FBXO47: variants seen among roughly 807,000 people sequenced by gnomAD.
FBXO47 encodes F-box only protein 47.
FBXO47 carries 34 observed loss-of-function variants against 53.9 expected under a neutral mutation model. The ratio of observed to expected loss-of-function variants is 0.63; its 90% CI spans 0.48 to 0.84. The LOEUF (loss-of-function observed/expected upper bound fraction) is 0.84, where lower values mean the gene tolerates loss of function less well. FBXO47 is among the 40% of genes least tolerant of loss of function. FBXO47 has a pLI of 0.00. For missense variants in FBXO47, 485 were observed against 541.3 expected (o/e 0.90, Z 1.03); for synonymous variants, 165 against 181.6 (o/e 0.91, Z 0.73).
chr17:38,937,205 A>T lies in FBXO47; in HGVS notation c.1329T>A (p.Tyr443Ter), dbSNP rs1915599843. 1 of 1,598,120 alleles carries T rather than the reference A, an allele frequency of 6.3e-7. No homozygotes were observed. The highest frequency in any genetic ancestry group is 1.7e-5 in the Admixed American group (1 of 59,494). ...TAGACAGAGGAGTATTCATGGTCAA[A>T]TACAGGACCTCCTTATGGAAGTTAG... ...AQANFHKEVL[Y>*]LTMNTPLST The change falls in exon 11 of 11, where the codon TAT becomes TAA. Residue 443 changes from tyrosine (Y) to a stop codon, truncating the protein, a stop_gained. Coordinates refer to ENST00000378079, the MANE Select transcript of FBXO47 (RefSeq NM_001008777.3). LOFTEE classifies it high-confidence loss of function.
At chr17:38,951,547 C>A (rs773020719) in intron 6 of FBXO47, 34 bp downstream of exon 6, 5 of 1,420,454 alleles carry the variant, frequency 3.5e-6, no homozygotes, top group Admixed American at 2.0e-5. Context: ...CTATTTTAAT[C>A]TCTGTATATT....
At chr17:38,946,325 AATATATAAAT>A (rs1284729025) in intron 6 of FBXO47, among the ~76,000 whole-genome samples, 18 of 72,470 alleles carry the variant, frequency 2.5e-4, no homozygotes, top group African/African-American at 3.0e-4. Flanking sequence ...AATATATATA[AATATATAAAT>A]ATATATAAAT....
At chr17:38,949,614 C>T (rs568519275) in intron 6 of FBXO47, among the ~76,000 whole-genome samples, 1 of 152,280 alleles carries the variant, frequency 6.6e-6, no homozygotes, top group African/African-American at 2.4e-5. Flanking sequence ...AAACTGACTG[C>T]ACCATTTTAC....
intron 3 of FBXO47, among the ~76,000 whole-genome samples, chr17:38,960,965 A>G (rs1158921749): frequency 1.3e-5 from 2 of 152,156 alleles, no homozygotes; most frequent in Non-Finnish European, 2.9e-5. Context: ...AGTAGGAAAA[A>G]GTAGTTTCCA....
Position 38,960,434 on chromosome 17 carries a change from A to T in FBXO47, c.352+1443T>A, listed in dbSNP as rs566162516. ...CATGAATAAAACCATTTAAAAAAGCAATTAAGATCAATACATATTTGTACT... is the reference window on the plus strand; with the variant it reads ...CATGAATAAAACCATTTAAAAAAGCTATTAAGATCAATACATATTTGTACT... On this transcript the variant is annotated intron_variant, in intron 3 of 10. Coordinates refer to ENST00000378079, the MANE Select transcript of FBXO47 (RefSeq NM_001008777.3). 2.6e-5 allele frequency among the ~76,000 whole-genome samples: 4 copies of T among 152,234 alleles called. No individual in the cohort carries two copies. In the East Asian group the frequency reaches 7.7e-4, roughly 29 times the overall value.
Position 38,939,293 on chromosome 17 carries a change from C to CAAAA in FBXO47, c.1084-565_1084-562dup, listed in dbSNP as rs1218321299. On this transcript the variant is annotated intron_variant, in intron 9 of 10. Transcript: ENST00000378079. ...GGGGGACAGAGCCAGACTCCATCTC[C>CAAAA]AAAAAAAAAAAAAAAAAAAAAAAAA... Among the ~76,000 whole-genome samples the CAAAA allele has an allele frequency of 2.2e-3, 75 of 34,864 alleles. 3 individuals are homozygous for CAAAA. The highest frequency in any genetic ancestry group is 0.036 in the Middle Eastern group (1 of 28). 22.9% of individuals were successfully genotyped at this position (34,864 alleles called of 152,430 possible).
chr17:38,954,167 G>A (rs997750150), intron 5 of FBXO47, among the ~76,000 whole-genome samples: 6 of 151,784 alleles, frequency 4.0e-5, no homozygotes, highest in African/African-American at 1.5e-4. Flanking sequence ...GCGTGGTGGC[G>A]GGCACCTGTT....
chr17:38,948,589 A>G (rs904601110), intron 6 of FBXO47, among the ~76,000 whole-genome samples: 6 of 151,978 alleles, frequency 3.9e-5, no homozygotes. Context: ...CAGCTAATAC[A>G]ATGTTTTCAA....
chr17:38,940,561 A>G (rs1477236426), intron 9 of FBXO47, among the ~76,000 whole-genome samples: 1 of 151,932 alleles, frequency 6.6e-6, no homozygotes, highest in Non-Finnish European at 1.5e-5. Context: ...ACCCTTCAGA[A>G]ATCATACTGA....
In FBXO47 at chr17:38,951,458, T is replaced by C. The variant is rs544259026; in HGVS notation, c.616+123A>G. 6.1e-6 allele frequency: 4 copies of C among 652,824 alleles called. No homozygotes were observed. In the East Asian group the frequency reaches 1.2e-4, roughly 20 times the overall value. 40.4% of individuals were successfully genotyped at this position (652,824 alleles called of 1,614,324 possible). ...ATCCTCCCACCTTGGCTTCCCAAAG[T>C]GCTGGGATTTTAGGCATGAGCCACT... is the stretch of plus-strand genomic sequence containing the variant. On this transcript the variant is annotated intron_variant, in intron 6 of 10. Coordinates refer to ENST00000378079, the MANE Select transcript of FBXO47 (RefSeq NM_001008777.3).
chr17:38,944,848 ATGTGTG>A (rs71300085), intron 7 of FBXO47, 106 bp downstream of exon 7: 43 of 616,760 alleles, frequency 7.0e-5, no homozygotes, highest in Middle Eastern at 4.8e-4. Flanking sequence ...GCGTGCATGC[ATGTGTG>A]TGTGTGTGTG....
intron 9 of FBXO47, among the ~76,000 whole-genome samples, chr17:38,941,523 G>T (rs1247362267): frequency 1.3e-5 from 2 of 150,120 alleles, no homozygotes; most frequent in Admixed American, 6.7e-5. Context: ...TTTCCAGGCT[G>T]CTCTCGAACT....
intron 1 of FBXO47, among the ~76,000 whole-genome samples, chr17:38,964,398 C>A (rs943623741): frequency 1.3e-5 from 2 of 152,094 alleles, no homozygotes; most frequent in African/African-American, 4.8e-5. Context: ...GAGTTCGAGA[C>A]CAGCCTGGCC....
At chr17:38,961,739 TAA>T in intron 3 of FBXO47, 136 bp downstream of exon 3, 1 of 717,894 alleles carries the variant, frequency 1.4e-6, no homozygotes, top group Non-Finnish European at 2.3e-6. Flanking sequence ...GTTCTCACAC[TAA>T]AGAGTAAAAA....
intron 7 of FBXO47, among the ~76,000 whole-genome samples, chr17:38,944,191 ATGTGTGTGTGTGTGTG>A (rs71141737): frequency 3.7e-5 from 5 of 133,704 alleles, no homozygotes; most frequent in African/African-American, 1.1e-4. Context: ...CAAAAAAAAC[ATGTGTGTGTGTGTGTG>A]TGTGTGTGTG....
intron 10 of FBXO47, among the ~76,000 whole-genome samples, chr17:38,937,792 C>T (rs1021073725): frequency 3.9e-5 from 6 of 152,174 alleles, no homozygotes; most frequent in South Asian, 4.1e-4. Context: ...CTCAGCCTCC[C>T]GAGTAGCTGG....
chr17:38,957,078 T>C, intron 4 of FBXO47, 99 bp downstream of exon 4: 2 of 730,108 alleles, frequency 2.7e-6, no homozygotes. Context: ...TGCTAATTCA[T>C]GAAATTCTAC....
chr17:38,958,270 C>T (rs1461456764), intron 3 of FBXO47, among the ~76,000 whole-genome samples: 2 of 151,944 alleles, frequency 1.3e-5, no homozygotes, highest in Non-Finnish European at 1.5e-5. Context: ...TGCGTTGGGC[C>T]GAGAAAACAG....
chr17:38,952,093 A>C (rs1905322914), intron 5 of FBXO47, among the ~76,000 whole-genome samples: 1 of 152,110 alleles, frequency 6.6e-6, no homozygotes, highest in Non-Finnish European at 1.5e-5. Flanking sequence ...TTGGGAGGCC[A>C]ACGTGTGCAG....
Sources: allele counts gnomAD v4.1 joint callset (sites outside exome capture counted in the v4.1 genomes callset), GRCh38; gene constraint gnomAD v4.1.1; transcripts MANE v1.5; gene names NCBI Gene and HGNC (gene_info 2026-07-23, HGNC 2026-07-21).